PLXNA4: variants seen among roughly 807,000 people sequenced by gnomAD.
PLXNA4 encodes plexin-A4.
A neutral mutation model predicts 191.8 loss-of-function variants in PLXNA4; 44 were observed. The observed-to-expected ratio is 0.23, with a 90% CI of 0.18 to 0.29. The LOEUF (loss-of-function observed/expected upper bound fraction) is 0.29, where lower values mean the gene tolerates loss of function less well. Among genes scored for constraint, PLXNA4 ranks in the 10% least tolerant of loss-of-function variants. The probability of loss-of-function intolerance (pLI) is 1.00; values close to 1 mark genes in which losing one functional copy is unlikely to be tolerated. For missense variants in PLXNA4, 1,800 were observed against 2,488.8 expected (o/e 0.72, Z 5.89); for synonymous variants, 1,082 against 1,009.5 (o/e 1.07, Z -1.36).
At position 132,604,262 on chromosome 7, in the gene PLXNA4, C is replaced by T. The variant is rs116700756; in HGVS notation, c.-87+41666G>A. Among the ~76,000 whole-genome samples, 964 of 152,348 alleles carry T rather than the reference C, an allele frequency of 6.3e-3. 16 individuals are homozygous for T. Among genetic ancestry groups the T allele is most frequent in the African/African-American group, 0.021 (881 of 41,568 alleles). On this transcript the variant is annotated intron_variant, in intron 2 of 4. Coordinates refer to the PLXNA4 transcript ENST00000378539. Reference sequence around the variant, plus strand: ...CTGGATAGTGGCCCATGAACTCCCACTAGCTCAGGAGCTGATGGGGACCCT... The same window carrying T: ...CTGGATAGTGGCCCATGAACTCCCATTAGCTCAGGAGCTGATGGGGACCCT...
chr7:132,270,783 A>G (rs919409176), intron 4 of PLXNA4, among the ~76,000 whole-genome samples: 2 of 152,248 alleles, frequency 1.3e-5, no homozygotes, highest in Admixed American at 6.5e-5. Flanking sequence ...TGCCTACACA[A>G]TATGAATGAA....
intron 3 of PLXNA4, among the ~76,000 whole-genome samples, chr7:132,301,480 G>A (rs1801303536): frequency 8.7e-6 from 1 of 114,486 alleles, no homozygotes; most frequent in South Asian, 3.5e-4. Flanking sequence ...CTTTATAGGT[G>A]TGGCACAAAA....
Position 132,194,083 on chromosome 7 carries a change from G to A in PLXNA4, c.2835C>T (p.Ser945=), listed in dbSNP as rs1478553178. 6.2e-7 allele frequency: 1 copy of A among 1,613,894 alleles called. No homozygotes were observed. Among genetic ancestry groups the A allele is most frequent in the African/African-American group, 1.3e-5 (1 of 74,912 alleles). ...TCACCATGAAGTAATAGAGCTGTGA[G>A]GACCGGGCCATGAATTCAGGCCGAC... ...AVCRPEFMAR[S]SQLYYFMTLT... is the part of the protein sequence containing the mutation. The change falls in exon 14 of 32, where the codon TCC becomes TCT. Residue 945 remains serine, a synonymous_variant. Transcript: ENST00000321063.
At chr7:132,407,495 C>A (rs1409234720) in intron 3 of PLXNA4, among the ~76,000 whole-genome samples, 2 of 152,180 alleles carry the variant, frequency 1.3e-5, no homozygotes, top group Non-Finnish European at 2.9e-5. Flanking sequence ...TGCACATACA[C>A]CAACACACAA....
chr7:132,169,592 G>C (rs551485541), intron 21 of PLXNA4, among the ~76,000 whole-genome samples: 1 of 152,358 alleles, frequency 6.6e-6, no homozygotes. Context: ...AGATGCTAAA[G>C]AGGGCATAGT....
At chr7:132,621,959 C>G (rs1290424545) in intron 2 of PLXNA4, among the ~76,000 whole-genome samples, 1 of 152,118 alleles carries the variant, frequency 6.6e-6, no homozygotes, top group Non-Finnish European at 1.5e-5. Flanking sequence ...AAATAGGAGA[C>G]TTTACCTAAG....
At position 132,508,429 on chromosome 7, in the gene PLXNA4, C is replaced by T. The variant is rs1355011226; in HGVS notation, c.265G>A (p.Asp89Asn). 6.2e-7 allele frequency: 1 copy of T among 1,614,198 alleles called. No homozygotes were observed. Among genetic ancestry groups the T allele is most frequent in the Admixed American group, 1.7e-5 (1 of 60,034 alleles). The stretch of plus-strand genomic sequence containing the variant: ...GGGTAACACTTGGGGTTGTCCTCGT[C>T]CGGCCCTGTCTCATGCGTCACCAAG... ...KVLVTHETGPDEDNPKCYPPR... is the reference protein window; with the variant it reads ...KVLVTHETGPNEDNPKCYPPR... Residue 89 changes from aspartate (D) to asparagine (N), a missense_variant, in exon 2 of 32, where the codon GAC (aspartate) becomes AAC (asparagine). This residue lies in a region of PLXNA4 where 1,397 missense variants were observed against 1,880.4 expected (regional missense o/e 0.74). Coordinates refer to ENST00000321063, the MANE Select transcript of PLXNA4 (RefSeq NM_020911.2). This position sits in a 1 kb window ranked among gnomAD's most constrained non-coding sequence, Gnocchi z 4.4.
At chr7:132,246,507 G>A (rs548036363) in intron 4 of PLXNA4, among the ~76,000 whole-genome samples, 100 of 152,090 alleles carry the variant, frequency 6.6e-4, no homozygotes, top group Non-Finnish European at 1.2e-3. Context: ...TAACTCACAA[G>A]AGGTCAAATG....
intron 3 of PLXNA4, among the ~76,000 whole-genome samples, chr7:132,351,660 G>A (rs975485518): frequency 2.6e-5 from 4 of 152,182 alleles, no homozygotes; most frequent in South Asian, 4.1e-4. Flanking sequence ...CCAACAGGAA[G>A]CACCTTGTCC....
At chr7:132,587,886 G>C (rs988374101) in intron 2 of PLXNA4, among the ~76,000 whole-genome samples, 1 of 151,430 alleles carries the variant, frequency 6.6e-6, no homozygotes, top group African/African-American at 2.4e-5. Context: ...ATATAATCCA[G>C]GGCTCTGAAT....
chr7:132,519,442 G>A (rs1029581661), intron 1 of PLXNA4, among the ~76,000 whole-genome samples: 18 of 152,214 alleles, frequency 1.2e-4, no homozygotes, highest in Non-Finnish European at 1.5e-4. Flanking sequence ...CAAGACCTGA[G>A]TGGACCTTGG....
chr7:132,428,263 G>T (rs1795126669), intron 3 of PLXNA4, among the ~76,000 whole-genome samples: 1 of 152,176 alleles, frequency 6.6e-6, no homozygotes, highest in African/African-American at 2.4e-5. Flanking sequence ...CTTTCCCAAA[G>T]ATCTCATAGC....
At chr7:132,465,908 G>A (rs1253959608) in intron 3 of PLXNA4, among the ~76,000 whole-genome samples, 5 of 152,162 alleles carry the variant, frequency 3.3e-5, no homozygotes, top group Admixed American at 1.3e-4. Context: ...GAGGAGGCTA[G>A]GGAAACAGAG....
chr7:132,352,770 G>A (rs1417948562), intron 3 of PLXNA4, among the ~76,000 whole-genome samples: 1 of 152,146 alleles, frequency 6.6e-6, no homozygotes, highest in Non-Finnish European at 1.5e-5. Flanking sequence ...AATTAATTGA[G>A]ATAATACAGC....
chr7:132,209,981 T>C lies in PLXNA4; in HGVS notation c.2298+962A>G, dbSNP rs80053017. The stretch of plus-strand genomic sequence containing the variant: ...GCCTACACTTGCACACTCAGCCCCT[T>C]CTAAGGCCTATGTATCTAAGTTGTA... On this transcript the variant is annotated intron_variant, in intron 10 of 31. Coordinates refer to ENST00000321063, the MANE Select transcript of PLXNA4 (RefSeq NM_020911.2). Among the ~76,000 whole-genome samples, 1,291 of 152,302 alleles carry C rather than the reference T, an allele frequency of 8.5e-3. 21 individuals are homozygous for C. Among genetic ancestry groups the C allele is most frequent in the African/African-American group, 0.03 (1,228 of 41,568 alleles).
At chr7:132,414,427 A>G (rs1357218726) in intron 3 of PLXNA4, among the ~76,000 whole-genome samples, 1 of 152,140 alleles carries the variant, frequency 6.6e-6, no homozygotes, top group African/African-American at 2.4e-5. Context: ...TCCGGAGGGG[A>G]AAATATTTAT....
rs1798517783 is a variant in PLXNA4, at chr7:132,507,547, G to A, written c.1147C>T (p.Leu383=). 4 of 1,613,852 alleles carry A rather than the reference G, an allele frequency of 2.5e-6. No individual in the cohort carries two copies. The highest frequency in any genetic ancestry group is 2.5e-6 in the Non-Finnish European group (3 of 1,179,976). ...ATGTCCTTCACCTTGAGCCAGGCCA[G>A]GTCCAGCGTGCCCTCGCCCCGGTAA... is the stretch of plus-strand genomic sequence containing the variant. The part of the protein sequence containing the change: ...SCYRGEGTLD[L]AWLKVKDIPC... The change falls in exon 2 of 32, where the codon CTG becomes TTG. Residue 383 remains leucine (L), a synonymous_variant. Coordinates refer to ENST00000321063, the MANE Select transcript of PLXNA4 (RefSeq NM_020911.2).
chr7:132,483,849 T>C (rs1797437311), intron 3 of PLXNA4, among the ~76,000 whole-genome samples: 1 of 152,206 alleles, frequency 6.6e-6, no homozygotes, highest in Admixed American at 6.5e-5. Flanking sequence ...GATTTCAATG[T>C]GTGTTTCAGG....
At chr7:132,626,463 G>T (rs1803375412) in intron 2 of PLXNA4, among the ~76,000 whole-genome samples, 1 of 152,214 alleles carries the variant, frequency 6.6e-6, no homozygotes, top group Admixed American at 6.5e-5. Flanking sequence ...GGATCATGAA[G>T]ATGGATTTTT....
Sources: gnomAD v4.1 joint callset for allele counts (sites outside exome capture counted in the v4.1 genomes callset) on GRCh38, gnomAD v4.1.1 for gene constraint, gnomAD v4.1.1 regional missense constraint, Gnocchi (gnomAD v3.1) non-coding constraint, MANE v1.5 for transcripts, NCBI Gene and HGNC (gene_info 2026-07-23, HGNC 2026-07-21) for gene names.